The following RORA variants were observed in gnomAD, a reference collection of about 807,000 sequenced individuals.
RORA encodes nuclear receptor ROR-alpha.
RORA carries 7 observed loss-of-function variants against 69.5 expected under a neutral mutation model. The ratio of observed to expected loss-of-function variants is 0.10; its 90% confidence interval spans 0.06 to 0.19. The LOEUF (loss-of-function observed/expected upper bound fraction) is 0.19, where lower values mean the gene tolerates loss of function less well. Among genes scored for constraint, RORA ranks in the 10% least tolerant of loss-of-function variants. RORA has a pLI of 1.00. For synonymous variants in RORA, 261 were observed against 240.8 expected (o/e 1.08, Z -0.78); for missense variants, 457 against 663.0 (o/e 0.69, Z 3.41).
chr15:61,151,329 T>G (rs2079396188), intron 1 of RORA, among the ~76,000 whole-genome samples: 1 of 152,238 alleles, frequency 6.6e-6, no homozygotes, highest in African/African-American at 2.4e-5. Context: ...CCACTAGACA[T>G]TAAGCGCAAT....
chr15:61,012,367 T>C (rs1206169558), intron 1 of RORA, among the ~76,000 whole-genome samples: 1 of 152,198 alleles, frequency 6.6e-6, no homozygotes, highest in African/African-American at 2.4e-5. Context: ...CCATCACAAG[T>C]CTCACAAACA....
intron 2 of RORA, among the ~76,000 whole-genome samples, chr15:60,631,241 A>G (rs1018846903): frequency 6.6e-6 from 1 of 152,116 alleles, no homozygotes; most frequent in Admixed American, 6.5e-5. Context: ...TAAGCAGCCC[A>G]TCTGGGGCTA....
intron 1 of RORA, among the ~76,000 whole-genome samples, chr15:60,853,273 G>A (rs144060024): frequency 2.6e-5 from 4 of 152,216 alleles, no homozygotes; most frequent in African/African-American, 7.2e-5. Flanking sequence ...AAAGGTCAGG[G>A]GGGCTGTCTG....
rs77827856 is a variant in RORA at position 60,983,265 on chromosome 15, T to C, written c.166+245788A>G. Among the ~76,000 whole-genome samples, 799 of 152,326 alleles carry C rather than the reference T, an allele frequency of 5.2e-3. 12 individuals are homozygous for C. Among genetic ancestry groups the C allele is most frequent in the African/African-American group, 0.019 (769 of 41,566 alleles). On this transcript the variant is annotated intron_variant, in intron 1 of 10. Coordinates refer to ENST00000335670, the MANE Select transcript of RORA (RefSeq NM_134261.3). ...AACAATAAAACAGAGATCTTAAGAC[T>C]AACAAAATAGACTCTTTGTAGCAAT...
At chr15:60,780,615 T>C (rs2072239387) in intron 1 of RORA, among the ~76,000 whole-genome samples, 1 of 152,238 alleles carries the variant, frequency 6.6e-6, no homozygotes, top group Non-Finnish European at 1.5e-5. Flanking sequence ...AACAATTTGC[T>C]TGATAGATGA....
intron 2 of RORA, among the ~76,000 whole-genome samples, chr15:60,643,178 C>T (rs2069975617): frequency 6.6e-6 from 1 of 152,166 alleles, no homozygotes; most frequent in Non-Finnish European, 1.5e-5. Flanking sequence ...TACATACATA[C>T]ATACATGCAC....
At chr15:61,107,693 C>T (rs782920) in intron 1 of RORA, among the ~76,000 whole-genome samples, 14,926 of 151,504 alleles carry the variant, frequency 0.099, 924 homozygotes, top group African/African-American at 0.16. Context: ...GTCTCATTAC[C>T]CTGTGGCTCT....
chr15:61,030,456 G>C (rs1896102287), intron 1 of RORA, among the ~76,000 whole-genome samples: 1 of 152,152 alleles, frequency 6.6e-6, no homozygotes, highest in South Asian at 2.1e-4. Flanking sequence ...TACTAGTCTT[G>C]TTACTTTTCT....
Position 60,719,911 on chromosome 15 carries a change from T to C in RORA, c.167-41225A>G, listed in dbSNP as rs964203749. ...TGCTTCAGAAGAAGCTAGCTTGCTC[T>C]AAATATACGGGGCGTAGCTACATTG... On this transcript the variant is annotated intron_variant, in intron 1 of 10. Coordinates refer to ENST00000335670, the MANE Select transcript of RORA (RefSeq NM_134261.3). 2.0e-5 allele frequency among the ~76,000 whole-genome samples: 3 copies of C among 152,312 alleles called. No homozygotes were observed. In the East Asian group the frequency reaches 5.8e-4, roughly 29 times the overall value.
chr15:61,113,775 T>G (rs151126320), intron 1 of RORA, among the ~76,000 whole-genome samples: 1 of 152,230 alleles, frequency 6.6e-6, no homozygotes, highest in African/African-American at 2.4e-5. Flanking sequence ...TTTGGTTTGG[T>G]CTGCTTACCA....
intron 1 of RORA, among the ~76,000 whole-genome samples, chr15:60,984,182 C>T (rs148219335): frequency 9.8e-4 from 149 of 152,212 alleles, no homozygotes; most frequent in African/African-American, 3.5e-3. Context: ...GAACATATAG[C>T]ACCCCGATTG....
At chr15:60,633,049 C>T (rs2069771024) in intron 2 of RORA, among the ~76,000 whole-genome samples, 1 of 152,242 alleles carries the variant, frequency 6.6e-6, no homozygotes, top group Admixed American at 6.5e-5. Flanking sequence ...AGGACACTCT[C>T]TTCTTTATTT....
chr15:61,036,026 G>GAGAC (rs1896442260), intron 1 of RORA, among the ~76,000 whole-genome samples: 1 of 152,206 alleles, frequency 6.6e-6, no homozygotes, highest in Non-Finnish European at 1.5e-5. Flanking sequence ...GAGCTTTCAA[G>GAGAC]AGACAGTCTA....
chr15:60,997,786 C>T (rs1157805057), intron 1 of RORA, among the ~76,000 whole-genome samples: 14 of 152,152 alleles, frequency 9.2e-5, no homozygotes, highest in Non-Finnish European at 1.2e-4. Context: ...CCCATCTGGA[C>T]CTTGAAGTTT....
At chr15:60,734,591 T>C (rs1455587424) in intron 1 of RORA, among the ~76,000 whole-genome samples, 1 of 152,204 alleles carries the variant, frequency 6.6e-6, no homozygotes, top group African/African-American at 2.4e-5. Context: ...ACCAACATAA[T>C]GGCCCACTGT....
At chr15:60,593,022 C>T (rs1157405100) in intron 2 of RORA, 1 of 446,432 alleles carries the variant, frequency 2.2e-6, no homozygotes, top group African/African-American at 2.0e-5. Context: ...CCTAGAGTGC[C>T]CCAGCTCTAA....
In RORA at chr15:60,734,776, C is replaced by T. The variant is rs117995524; in HGVS notation, c.167-56090G>A. ...ACTATTCAGCATGGTGTAAATGTAA[C>T]GGCAATCATGTAGAGACTTTGAAGT... On this transcript the variant is annotated intron_variant, in intron 1 of 10. Coordinates refer to ENST00000335670, the MANE Select transcript of RORA (RefSeq NM_134261.3). 3.0e-4 allele frequency among the ~76,000 whole-genome samples: 45 copies of T among 152,304 alleles called. No homozygotes were observed. The East Asian group carries it at 6.4e-3, about 22-fold the overall frequency.
At chr15:60,710,874 T>C (rs904837374) in intron 1 of RORA, among the ~76,000 whole-genome samples, 4 of 151,760 alleles carry the variant, frequency 2.6e-5, no homozygotes, top group African/African-American at 4.8e-5. Context: ...TCCTCTATGC[T>C]CCAGAGCACA....
At chr15:60,739,527 C>T (rs955138995) in intron 1 of RORA, among the ~76,000 whole-genome samples, 4 of 151,940 alleles carry the variant, frequency 2.6e-5, no homozygotes, top group Non-Finnish European at 4.4e-5. Flanking sequence ...GCCCTGATCG[C>T]ACCACTGCAC....
Sources: allele counts gnomAD v4.1 joint callset (sites outside exome capture counted in the v4.1 genomes callset), GRCh38; gene constraint gnomAD v4.1.1; transcripts MANE v1.5; gene names NCBI Gene and HGNC (gene_info 2026-07-23, HGNC 2026-07-21).